VPS8: variants seen among roughly 807,000 people sequenced by gnomAD.
VPS8 encodes VPS8 subunit of CORVET complex, also known as vacuolar protein sorting-associated protein 8 homolog.
A neutral mutation model predicts 216.4 loss-of-function variants in VPS8; 129 were observed. The ratio of observed to expected loss-of-function variants is 0.60; its 90% confidence interval spans 0.52 to 0.69. The LOEUF (loss-of-function observed/expected upper bound fraction) is 0.69, where lower values mean the gene tolerates loss of function less well. Ranked by LOEUF, VPS8 falls within the 30% of genes least tolerant of loss-of-function variation. The pLI, the probability that VPS8 is intolerant of heterozygous loss-of-function variation, is 0.00. For missense variants in VPS8, 1,531 were observed against 1,683.5 expected (o/e 0.91, Z 1.59); for synonymous variants, 571 against 565.4 (o/e 1.01, Z -0.14).
intron 44 of VPS8, 116 bp from the exon 45 acceptor site, chr3:184,999,580 C>A: frequency 2.4e-6 from 3 of 1,229,804 alleles, no homozygotes; most frequent in Non-Finnish European, 3.3e-6. Context: ...CCCTGTACAG[C>A]CATCAGTGCA....
Position 184,968,194 on chromosome 3 carries a change from G to A in VPS8, c.3316+1481G>A, listed in dbSNP as rs572253308. Among the ~76,000 whole-genome samples the A allele has an allele frequency of 2.0e-5, 3 of 152,308 alleles. No individual in the cohort carries two copies. The East Asian group carries it at 5.8e-4, about 29-fold the overall frequency. On this transcript the variant is annotated intron_variant, in intron 39 of 47. Transcript: ENST00000625842. The stretch of plus-strand genomic sequence containing the variant: ...TTAACTTACCATAAGGTTCATAAAT[G>A]TTGTAGCATGTGTCAGAATTTTCTT...
Position 184,915,800 on chromosome 3 carries a change from C to T in VPS8, c.2382+326C>T, listed in dbSNP as rs557368849. On this transcript the variant is annotated intron_variant, in intron 28 of 47. Coordinates refer to ENST00000625842, the MANE Select transcript of VPS8 (RefSeq NM_001009921.3). ...CTCCAGCGTGGGCTACAGAGAGAGA[C>T]TCTGTCTCAAAAAAAGAAAAAAGAA... Among the ~76,000 whole-genome samples, 3 of 152,192 alleles carry T rather than the reference C, an allele frequency of 2.0e-5. No individual in the cohort carries two copies. The East Asian group carries it at 5.8e-4, about 29-fold the overall frequency.
intron 33 of VPS8, among the ~76,000 whole-genome samples, chr3:184,929,910 A>ATT: frequency 6.6e-6 from 1 of 152,330 alleles, no homozygotes; most frequent in Admixed American, 6.5e-5. Context: ...GCTACTTTAG[A>ATT]GGATGATGGG....
At chr3:184,955,492 C>T (rs1021358200) in intron 36 of VPS8, among the ~76,000 whole-genome samples, 17 of 152,010 alleles carry the variant, frequency 1.1e-4, no homozygotes, top group African/African-American at 3.6e-4. Context: ...CCTTACCCTG[C>T]GCCCCCTCGT....
chr3:184,836,651 A>C (rs1721145846), intron 5 of VPS8, among the ~76,000 whole-genome samples: 1 of 152,186 alleles, frequency 6.6e-6, no homozygotes, highest in Non-Finnish European at 1.5e-5. Flanking sequence ...TTACCAGCTC[A>C]ATTTAAATTG....
intron 45 of VPS8, among the ~76,000 whole-genome samples, chr3:185,001,432 G>A (rs1251657470): frequency 6.6e-6 from 1 of 152,120 alleles, no homozygotes; most frequent in Non-Finnish European, 1.5e-5. Context: ...TTATTATAAA[G>A]GATGCGACTG....
Position 184,945,386 on chromosome 3 carries a change from G to A in VPS8, c.3035+5143G>A, listed in dbSNP as rs1743500199. On this transcript the variant is annotated intron_variant, in intron 36 of 47. Coordinates refer to ENST00000625842, the MANE Select transcript of VPS8 (RefSeq NM_001009921.3). ...GCATGGGAGATAAAATGATGAATAA[G>A]ACAGGGCCCTGCCTTCAGAGAATTT... Among the ~76,000 whole-genome samples, 3 of 151,896 alleles carry A rather than the reference G, an allele frequency of 2.0e-5. No homozygotes were observed. The South Asian group carries it at 6.2e-4, about 31-fold the overall frequency.
chr3:184,984,975 G>A (rs1226965761), intron 42 of VPS8, among the ~76,000 whole-genome samples: 1 of 152,038 alleles, frequency 6.6e-6, no homozygotes, highest in African/African-American at 2.4e-5. Flanking sequence ...TTTATTTTGA[G>A]TTATACTGGC....
At chr3:184,860,177 A>G in intron 15 of VPS8, 112 bp downstream of exon 15, 1 of 968,092 alleles carries the variant, frequency 1.0e-6, no homozygotes, top group Non-Finnish European at 1.6e-6. Context: ...TTAAGATCAT[A>G]TGAAATATGG....
intron 34 of VPS8, among the ~76,000 whole-genome samples, chr3:184,932,442 T>G (rs1740850272): frequency 6.6e-6 from 1 of 152,118 alleles, no homozygotes; most frequent in South Asian, 2.1e-4. Context: ...ATTTTGAAAT[T>G]TATAAAGCAT....
chr3:184,965,507 A>T (rs1165509903), intron 38 of VPS8, among the ~76,000 whole-genome samples: 1 of 152,202 alleles, frequency 6.6e-6, no homozygotes, highest in African/African-American at 2.4e-5. Flanking sequence ...AGAAGTATGG[A>T]TGACCAAGAG....
At chr3:184,857,144 T>A (rs997046882) in intron 14 of VPS8, among the ~76,000 whole-genome samples, 2 of 152,266 alleles carry the variant, frequency 1.3e-5, no homozygotes, top group Non-Finnish European at 2.9e-5. Context: ...GCTTGTATAT[T>A]GTAAATATTC....
At position 184,853,843 on chromosome 3, in the gene VPS8, A is replaced by T. The variant is rs185417812; in HGVS notation, c.822-14A>T. ...TTGCTAAATTGATTCTGAATTTTCAAATTGCATTTTCAGGAGAGTGATGGG... is the reference window on the plus strand; with the variant it reads ...TTGCTAAATTGATTCTGAATTTTCATATTGCATTTTCAGGAGAGTGATGGG... On this transcript the variant is annotated splice_polypyrimidine_tract_variant and intron_variant, in intron 11 of 47. Coordinates refer to ENST00000625842, the MANE Select transcript of VPS8 (RefSeq NM_001009921.3). 83 of 1,556,958 alleles carry T rather than the reference A, an allele frequency of 5.3e-5. No homozygotes were observed. In the African/African-American group the frequency reaches 7.2e-4, roughly 14 times the overall value.
chr3:185,014,507 C>T (rs981910439), intron 45 of VPS8, among the ~76,000 whole-genome samples: 3 of 152,170 alleles, frequency 2.0e-5, no homozygotes, highest in African/African-American at 7.2e-5. Context: ...TATTATTTTA[C>T]CTATTTGCCA....
intron 35 of VPS8, among the ~76,000 whole-genome samples, chr3:184,936,880 G>A (rs1048531805): frequency 2.0e-5 from 3 of 151,950 alleles, no homozygotes; most frequent in African/African-American, 7.3e-5. Flanking sequence ...TGGGACTACA[G>A]ATGCCTGCCA....
At chr3:185,003,502 G>A (rs1671012838) in intron 45 of VPS8, among the ~76,000 whole-genome samples, 1 of 148,590 alleles carries the variant, frequency 6.7e-6, no homozygotes, top group African/African-American at 2.5e-5. Flanking sequence ...TCCCAAGGCA[G>A]AAGAATTTTT....
chr3:184,956,079 A>G (rs961257161), intron 36 of VPS8, among the ~76,000 whole-genome samples: 3 of 152,280 alleles, frequency 2.0e-5, no homozygotes, highest in Non-Finnish European at 4.4e-5. Flanking sequence ...TTTTTAGTTT[A>G]TCGTTTACCC....
At chr3:184,848,382 G>A (rs1723546282) in intron 8 of VPS8, among the ~76,000 whole-genome samples, 1 of 151,990 alleles carries the variant, frequency 6.6e-6, no homozygotes, top group Non-Finnish European at 1.5e-5. Context: ...AAGTTTTATA[G>A]TTATTTTAAA....
At chr3:184,952,234 G>A (rs185358516) in intron 36 of VPS8, among the ~76,000 whole-genome samples, 11 of 152,240 alleles carry the variant, frequency 7.2e-5, no homozygotes, top group Non-Finnish European at 7.4e-5. Flanking sequence ...GTGTTCTCTT[G>A]AGACACAACC....
Sources: gnomAD v4.1 joint callset for allele counts (sites outside exome capture counted in the v4.1 genomes callset) on GRCh38, gnomAD v4.1.1 for gene constraint, MANE v1.5 for transcripts, NCBI Gene and HGNC (gene_info 2026-07-23, HGNC 2026-07-21) for gene names.